Variants in ZNF654 observed in about 807,000 individuals in gnomAD.
ZNF654 encodes zinc finger protein 654.
Under a neutral mutation model 95.3 loss-of-function variants are expected in ZNF654, and 19 were observed. That is an observed-to-expected ratio of 0.20 (90% CI 0.14 to 0.29). The LOEUF (loss-of-function observed/expected upper bound fraction) is 0.29. Ranked by LOEUF, ZNF654 falls within the 10% of genes least tolerant of loss-of-function variation. The pLI is 1.00. For synonymous variants in ZNF654, 413 were observed against 457.9 expected, an observed-to-expected ratio of 0.90 and a Z score of 1.25; for missense variants, 1,046 against 1,341.0, an observed-to-expected ratio of 0.78 and a Z score of 3.44.
intron 3 of ZNF654, among the ~76,000 whole-genome samples, chr3:88,115,732 G>A (rs541936836): frequency 6.6e-5 from 10 of 152,218 alleles, no homozygotes; most frequent in African/African-American, 2.2e-4. Context: ...ACTGGCTTCC[G>A]AAAGTTTTCT....
intron 3 of ZNF654, among the ~76,000 whole-genome samples, chr3:88,115,072 T>C (rs1311713236): frequency 1.3e-5 from 2 of 152,202 alleles, no homozygotes; most frequent in African/African-American, 4.8e-5. Context: ...CTCCCATAAG[T>C]AGGACAAACA....
At chr3:88,133,977 A>T (rs1444794990) in intron 6 of ZNF654, among the ~76,000 whole-genome samples, 1 of 152,040 alleles carries the variant, frequency 6.6e-6, no homozygotes, top group Non-Finnish European at 1.5e-5. Context: ...ATTAGTTCTG[A>T]GTGGGTTCAG....
At position 88,138,877 on chromosome 3, in the gene ZNF654, G is replaced by T; in HGVS notation, c.1208G>T (p.Arg403Leu). ...ICALSIFFLE[R>L]SLEAYRTVEE... ...GCACTCTCAATATTTTTTCTGGAGC[G>T]CTCCTTAGAAGCGTATCGTACTGTT... is the stretch of plus-strand genomic sequence containing the variant. Residue 403 changes from arginine (R) to leucine (L), a missense_variant, in exon 8 of 9, where the codon CGC becomes CTC. Transcript: ENST00000636215. The T allele has an allele frequency of 2.4e-6, 3 of 1,231,990 alleles. No individual in the cohort carries two copies. Among genetic ancestry groups the T allele is most frequent in the Non-Finnish European group, 3.0e-6 (3 of 987,930 alleles). The allele number at this position is 1,231,990 out of a possible 1,614,324, so 76.3% of individuals were successfully genotyped here. A position where few individuals can be genotyped will look rare whatever the true frequency, so the allele number is the denominator to read the frequency against.
At chr3:88,108,697 G>T (rs1200690958) in intron 2 of ZNF654, among the ~76,000 whole-genome samples, 11 of 152,100 alleles carry the variant, frequency 7.2e-5, no homozygotes. Flanking sequence ...GTATCACAGT[G>T]CTTGTGTTCA....
At chr3:88,120,270 A>G (rs2107796476) in intron 3 of ZNF654, among the ~76,000 whole-genome samples, 1 of 152,326 alleles carries the variant, frequency 6.6e-6, no homozygotes, top group East Asian at 1.9e-4. Context: ...AATTCTTTCT[A>G]TGCCATATTC....
At chr3:88,118,309 T>C (rs1197795415) in intron 3 of ZNF654, among the ~76,000 whole-genome samples, 2 of 152,140 alleles carry the variant, frequency 1.3e-5, no homozygotes, top group Non-Finnish European at 2.9e-5. Flanking sequence ...GGAGGTGGTA[T>C]GGGATATCAT....
At chr3:88,085,299 AGTT>A (rs1708282885) in intron 1 of ZNF654, among the ~76,000 whole-genome samples, 1 of 152,228 alleles carries the variant, frequency 6.6e-6, no homozygotes. Context: ...TACTGAACTC[AGTT>A]GTTGTAGCAG....
At position 88,144,611 on chromosome 3, in the gene ZNF654, A is replaced by T. The variant is rs1260988507; in HGVS notation, c.*2959A>T. ...CAACAATAGTGTCTCATTTCAAGAA[A>T]TTTTTTGTACTGTACATAGATTTGT... On this transcript the variant is annotated 3_prime_UTR_variant, in exon 9 of 9. Coordinates refer to ENST00000636215, the MANE Select transcript of ZNF654 (RefSeq NM_001350134.2). 6.6e-6 allele frequency: 1 copy of T among 152,382 alleles called. No individual in the cohort carries two copies. Among genetic ancestry groups the T allele is most frequent in the East Asian group, 1.9e-4 (1 of 5,200 alleles). 9.4% of individuals were successfully genotyped at this position (152,382 alleles called of 1,614,324 possible). A position where few individuals can be genotyped will look rare whatever the true frequency, so the allele number is the denominator to read the frequency against.
At chr3:88,128,722 C>T in intron 4 of ZNF654, 87 bp from the exon 5 acceptor site, 2 of 874,284 alleles carry the variant, frequency 2.3e-6, no homozygotes, top group Non-Finnish European at 3.4e-6. Context: ...TAATTAGAAA[C>T]CATATTTTAG....
intron 2 of ZNF654, among the ~76,000 whole-genome samples, chr3:88,094,804 T>TA (rs1310468487): frequency 6.6e-6 from 1 of 152,082 alleles, no homozygotes; most frequent in Non-Finnish European, 1.5e-5. Flanking sequence ...CTTTTTAACT[T>TA]CCTTCCCACT....
chr3:88,133,589 T>C (rs1300058353), intron 6 of ZNF654, among the ~76,000 whole-genome samples: 3 of 152,030 alleles, frequency 2.0e-5, no homozygotes, highest in Non-Finnish European at 2.9e-5. Flanking sequence ...TTTCCAAATA[T>C]AGCAGTCAGC....
Position 88,142,869 on chromosome 3 carries a change from AT to A in ZNF654, c.*1221del, listed in dbSNP as rs1373793408. The stretch of plus-strand genomic sequence containing the variant: ...TTAGTGATGTTATTTTCCTAAGAAG[AT>A]TTTAACTTAATAAAGTGTTAAAACA... On this transcript the variant is annotated 3_prime_UTR_variant, in exon 9 of 9. Transcript: ENST00000636215. The A allele has an allele frequency of 6.6e-6, 1 of 152,306 alleles. No homozygotes were observed. Among genetic ancestry groups the A allele is most frequent in the African/African-American group, 2.4e-5 (1 of 41,430 alleles). The allele number at this position is 152,306 out of a possible 1,614,324, so 9.4% of individuals were successfully genotyped here.
rs1197351449 is a variant in ZNF654 at position 88,139,428 on chromosome 3, A to C, written c.1759A>C (p.Met587Leu). The change falls in exon 8 of 9, where the codon ATG (methionine) becomes CTG (leucine). Residue 587 changes from methionine (M) to leucine (L), a missense_variant. Physicochemically the swap from Met to Leu is conservative, Grantham distance 15. Around this residue, in one of 9 missense-constraint regions of ZNF654, gnomAD observed 495 missense variants for 537.0 expected, o/e 0.92. Transcript: ENST00000636215. ...TAGGAAATTTAGAAACAGAGGACTT[A>C]TGCAGAAGCATTTGAAGAATCATGT... ...CGRKFRNRGL[M>L]QKHLKNHVKK... is the part of the protein sequence containing the mutation. 1 of 1,613,774 alleles carries C rather than the reference A, an allele frequency of 6.2e-7. No individual in the cohort carries two copies. Among genetic ancestry groups the C allele is most frequent in the Non-Finnish European group, 8.5e-7 (1 of 1,179,820 alleles).
In ZNF654 at chr3:88,140,029, GA is replaced by G; in HGVS notation, c.2364del (p.Lys788AsnfsTer16). On this transcript the variant is annotated frameshift_variant, in exon 8 of 9. Transcript: ENST00000636215. LOFTEE classifies it high-confidence loss of function. ...VRQTVMKWSK[G>X]KCKFCQRQFE... Reference sequence around the variant, plus strand: ...CAAACAGTAATGAAGTGGAGCAAAGGAAAATGCAAATTTTGTCAAAGGCAAT... The same window carrying G: ...CAAACAGTAATGAAGTGGAGCAAAGGAAATGCAAATTTTGTCAAAGGCAAT... The G allele has an allele frequency of 6.2e-7, 1 of 1,613,714 alleles. No homozygotes were observed. Among genetic ancestry groups the G allele is most frequent in the Non-Finnish European group, 8.5e-7 (1 of 1,179,738 alleles).
intron 2 of ZNF654, among the ~76,000 whole-genome samples, chr3:88,103,137 A>G (rs1476435878): frequency 6.6e-6 from 1 of 152,148 alleles, no homozygotes; most frequent in Non-Finnish European, 1.5e-5. Context: ...AATGAAGCCC[A>G]GCTTTCAAAA....
chr3:88,062,381 G>GT (rs1353891993), intron 1 of ZNF654, among the ~76,000 whole-genome samples: 1 of 152,104 alleles, frequency 6.6e-6, no homozygotes, highest in African/African-American at 2.4e-5. Context: ...ATAGAGGGGA[G>GT]TTTTTTGTTG....
rs1705583255 is a variant in ZNF654, at chr3:88,118,938, G to T, written c.414+5742G>T. Among the ~76,000 whole-genome samples the T allele has an allele frequency of 2.7e-5, 4 of 149,280 alleles. 1 individual carries two copies. In the South Asian group the frequency reaches 8.7e-4, roughly 32 times the overall value. The stretch of plus-strand genomic sequence containing the variant: ...AGGAACACTTTTACACTGTTGGTGG[G>T]ACTGTAAACTAGTTCAACCATTGTG... On this transcript the variant is annotated intron_variant, in intron 3 of 8. Coordinates refer to ENST00000636215, the MANE Select transcript of ZNF654 (RefSeq NM_001350134.2).
rs554589868 is a variant in ZNF654 at position 88,139,181 on chromosome 3, T to A, written c.1512T>A (p.Asp504Glu). 985 of 1,418,666 alleles carry A rather than the reference T, an allele frequency of 6.9e-4. 13 individuals are homozygous for A. In the South Asian group the frequency reaches 0.016, roughly 23 times the overall value. The allele number at this position is 1,418,666 out of a possible 1,614,324, so 87.9% of individuals were successfully genotyped here. Residue 504 changes from aspartate (D) to glutamate (E), a missense_variant, in exon 8 of 9, where the codon GAT becomes GAA. Asp to Glu is a conservative substitution (Grantham distance 45, BLOSUM62 2). Coordinates refer to ENST00000636215, the MANE Select transcript of ZNF654 (RefSeq NM_001350134.2). The stretch of plus-strand genomic sequence containing the variant: ...ATGAAGGGTTTGACTCTCTTACAGA[T>A]CAGAGCACTGGAGAGACTGATCCTG... ...GLDEGFDSLT[D>E]QSTGETDPDD... is the part of the protein sequence containing the mutation.
intron 1 of ZNF654, among the ~76,000 whole-genome samples, chr3:88,063,024 G>C (rs1706975800): frequency 6.6e-6 from 1 of 152,188 alleles, no homozygotes; most frequent in Non-Finnish European, 1.5e-5. Flanking sequence ...GAATGCTCCT[G>C]GTGAAACACA....
Sources: allele counts gnomAD v4.1 joint callset (sites outside exome capture counted in the v4.1 genomes callset), GRCh38; gene constraint gnomAD v4.1.1; regional missense constraint gnomAD v4.1.1; transcripts MANE v1.5; gene names NCBI Gene and HGNC (gene_info 2026-07-23, HGNC 2026-07-21).